FHIT: variants seen among roughly 807,000 people sequenced by gnomAD.
The protein encoded by FHIT is bis(5'-adenosyl)-triphosphatase.
FHIT carries 19 observed loss-of-function variants against 17.9 expected under a neutral mutation model. The observed-to-expected ratio is 1.06, with a 90% CI of 0.74 to 1.56. The LOEUF (loss-of-function observed/expected upper bound fraction) is 1.56, where lower values mean the gene tolerates loss of function less well. Ranked by LOEUF, FHIT falls within the 40% of genes most tolerant of loss-of-function variation. The probability of loss-of-function intolerance (pLI) is 0.00; values close to 1 mark genes in which losing one functional copy is unlikely to be tolerated. For synonymous variants in FHIT, 81 were observed against 69.7 expected (o/e 1.16, Z -0.81); for missense variants, 248 against 189.2 (o/e 1.31, Z -1.82).
chr3:59,891,175 A>G (rs893599969), intron 8 of FHIT, among the ~76,000 whole-genome samples: 3 of 152,184 alleles, frequency 2.0e-5, no homozygotes, highest in African/African-American at 7.2e-5. Flanking sequence ...TAGTTGATCA[A>G]TCCTTCCAGT....
intron 1 of FHIT, among the ~76,000 whole-genome samples, chr3:61,219,040 C>A (rs570705172): frequency 6.6e-6 from 1 of 152,266 alleles, no homozygotes; most frequent in South Asian, 2.1e-4. Context: ...ATACACTTAT[C>A]CTATATGGTA....
At chr3:60,821,142 A>C (rs557686514) in intron 4 of FHIT, among the ~76,000 whole-genome samples, 4 of 152,086 alleles carry the variant, frequency 2.6e-5, no homozygotes, top group African/African-American at 9.6e-5. Flanking sequence ...CATCCGGCTA[A>C]TTTTTGGATT....
chr3:60,741,450 G>T (rs542752707), intron 4 of FHIT, among the ~76,000 whole-genome samples: 1 of 152,212 alleles, frequency 6.6e-6, no homozygotes, highest in Non-Finnish European at 1.5e-5. Context: ...CCTGAAGCAG[G>T]CTGTCAAGAA....
chr3:60,340,296 G>A (rs1710451725), intron 5 of FHIT, among the ~76,000 whole-genome samples: 1 of 152,156 alleles, frequency 6.6e-6, no homozygotes, highest in South Asian at 2.1e-4. Context: ...TAGGAAGCGA[G>A]AAGAAAAACA....
chr3:60,548,663 G>A (rs1247801670), intron 4 of FHIT, among the ~76,000 whole-genome samples: 1 of 152,154 alleles, frequency 6.6e-6, no homozygotes, highest in Non-Finnish European at 1.5e-5. Context: ...CATCACTTGA[G>A]AGTTGTAAGA....
intron 5 of FHIT, among the ~76,000 whole-genome samples, chr3:60,151,903 CT>C (rs1447474996): frequency 2.6e-5 from 4 of 152,276 alleles, no homozygotes; most frequent in African/African-American, 7.2e-5. Context: ...TATAATTTCC[CT>C]GTTGACATGC....
intron 2 of FHIT, among the ~76,000 whole-genome samples, chr3:61,185,469 C>A (rs950931581): frequency 1.3e-5 from 2 of 152,196 alleles, no homozygotes; most frequent in Admixed American, 6.5e-5. Context: ...CACAATCACA[C>A]TGCTCTTCCT....
intron 5 of FHIT, among the ~76,000 whole-genome samples, chr3:60,441,697 G>C: frequency 6.6e-5 from 1 of 15,106 alleles, no homozygotes; most frequent in African/African-American, 2.3e-4. Context: ...TGCATCTGTA[G>C]GTATTTATAT....
At chr3:60,009,211 G>A (rs1348835476) in intron 7 of FHIT, among the ~76,000 whole-genome samples, 3 of 143,418 alleles carry the variant, frequency 2.1e-5, no homozygotes, top group African/African-American at 2.6e-5. Context: ...GTGTGTGTGT[G>A]TGTGTGTGTG....
intron 8 of FHIT, among the ~76,000 whole-genome samples, chr3:59,883,335 A>G (rs1021737872): frequency 1.3e-5 from 2 of 152,204 alleles, no homozygotes; most frequent in African/African-American, 4.8e-5. Context: ...TGGGTACTTT[A>G]AAAAGAAAAA....
At chr3:60,042,684 A>G (rs1306360124) in intron 5 of FHIT, among the ~76,000 whole-genome samples, 1 of 152,104 alleles carries the variant, frequency 6.6e-6, no homozygotes, top group Non-Finnish European at 1.5e-5. Context: ...CCGTCTCCAG[A>G]TACACTCACA....
chr3:60,097,195 T>C (rs1271672315), intron 5 of FHIT, among the ~76,000 whole-genome samples: 1 of 152,030 alleles, frequency 6.6e-6, no homozygotes, highest in Non-Finnish European at 1.5e-5. Context: ...GGACTGGCAA[T>C]TTATCCCCTA....
At chr3:60,592,269 T>C (rs2038112576) in intron 4 of FHIT, among the ~76,000 whole-genome samples, 1 of 106,642 alleles carries the variant, frequency 9.4e-6, no homozygotes, top group Non-Finnish European at 2.4e-5. Context: ...ACTCTCTCTC[T>C]ATATATATAT....
intron 5 of FHIT, among the ~76,000 whole-genome samples, chr3:60,192,645 T>C (rs1314514886): frequency 1.3e-5 from 2 of 152,216 alleles, no homozygotes; most frequent in African/African-American, 4.8e-5. Context: ...GCATCTCATA[T>C]TTGACACCTT....
intron 5 of FHIT, among the ~76,000 whole-genome samples, chr3:60,090,338 C>A (rs1198152495): frequency 6.6e-6 from 1 of 152,090 alleles, no homozygotes; most frequent in Non-Finnish European, 1.5e-5. Context: ...CTTTTCAGAC[C>A]ATTCTACAGC....
chr3:59,821,299 G>A (rs1575548228), intron 8 of FHIT, among the ~76,000 whole-genome samples: 1 of 152,232 alleles, frequency 6.6e-6, no homozygotes, highest in African/African-American at 2.4e-5. Flanking sequence ...ATTTGTGAAA[G>A]CAGAAGCAAC....
chr3:60,935,557 AG>A (rs1708153401), intron 3 of FHIT, among the ~76,000 whole-genome samples: 1 of 152,250 alleles, frequency 6.6e-6, no homozygotes, highest in Non-Finnish European at 1.5e-5. Flanking sequence ...CAATCCACAC[AG>A]AAATGGCCCC....
intron 4 of FHIT, among the ~76,000 whole-genome samples, chr3:60,752,558 C>CT (rs1249428228): frequency 6.6e-6 from 1 of 152,236 alleles, no homozygotes; most frequent in Non-Finnish European, 1.5e-5. Context: ...ACAATGGCTA[C>CT]TTTTTTGCGT....
chr3:59,942,090 T>C (rs1374763716), intron 7 of FHIT, among the ~76,000 whole-genome samples: 1 of 152,172 alleles, frequency 6.6e-6, no homozygotes, highest in Admixed American at 6.5e-5. Flanking sequence ...GGGTGGACCC[T>C]GTTAACTATT....
Sources: gnomAD v4.1 joint callset for allele counts (sites outside exome capture counted in the v4.1 genomes callset) on GRCh38, gnomAD v4.1.1 for gene constraint, MANE v1.5 for transcripts, NCBI Gene and HGNC (gene_info 2026-07-23, HGNC 2026-07-21) for gene names.